Variants in IGSF21 observed in about 807,000 individuals in gnomAD.
IGSF21 encodes immunoglobin superfamily member 21, also known as immunoglobulin superfamily member 21.
In IGSF21, 28 loss-of-function variants were observed where a neutral mutation model predicts 46.8. That is an observed-to-expected ratio of 0.60 (90% CI 0.44 to 0.82). IGSF21 has a LOEUF of 0.82. Among genes scored for constraint, IGSF21 ranks in the 40% least tolerant of loss-of-function variants. The probability of loss-of-function intolerance (pLI) is 0.00; values close to 1 mark genes in which losing one functional copy is unlikely to be tolerated. For synonymous variants in IGSF21, 284 were observed against 273.6 expected, an observed-to-expected ratio of 1.04 and a Z score of -0.38; for missense variants, 624 against 665.5, an observed-to-expected ratio of 0.94 and a Z score of 0.69.
chr1:18,254,224 T>A (rs2084868625), intron 2 of IGSF21, among the ~76,000 whole-genome samples: 1 of 152,108 alleles, frequency 6.6e-6, no homozygotes. Context: ...AAGTGAGAGA[T>A]GAGTTGGGGA....
At chr1:18,136,256 A>C (rs528143736) in intron 1 of IGSF21, among the ~76,000 whole-genome samples, 18 of 152,168 alleles carry the variant, frequency 1.2e-4, no homozygotes, top group African/African-American at 4.3e-4. Flanking sequence ...GAAGCTCTTT[A>C]GTTTAATTAG....
chr1:18,299,974 T>C (rs572883103), intron 3 of IGSF21, among the ~76,000 whole-genome samples: 12 of 152,234 alleles, frequency 7.9e-5, no homozygotes, highest in Non-Finnish European at 1.5e-4. Context: ...GCCTGTAATC[T>C]AGCACCTTGG....
intron 3 of IGSF21, among the ~76,000 whole-genome samples, chr1:18,323,585 C>A (rs1477436140): frequency 6.6e-6 from 1 of 152,112 alleles, no homozygotes. Flanking sequence ...ATTTAAGAGA[C>A]GTCTATGGCA....
At chr1:18,117,137 C>CT (rs2086195758) in intron 1 of IGSF21, among the ~76,000 whole-genome samples, 1 of 152,222 alleles carries the variant, frequency 6.6e-6, no homozygotes, top group African/African-American at 2.4e-5. Context: ...GCTGGAAGCT[C>CT]TTTTGAACCT....
chr1:18,237,717 T>G (rs573147452), intron 2 of IGSF21, among the ~76,000 whole-genome samples: 2 of 152,310 alleles, frequency 1.3e-5, no homozygotes, highest in East Asian at 3.9e-4. Flanking sequence ...TATTCATCTT[T>G]GCATCTCTTG....
chr1:18,365,529 C>T lies in IGSF21; in HGVS notation c.847C>T (p.Pro283Ser). The change falls in exon 6 of 10, where the codon CCC (proline) becomes TCC (serine). Residue 283 changes from proline to serine, a missense_variant. Transcript: ENST00000251296. This position sits in a 1 kb window ranked among gnomAD's most constrained non-coding sequence, Gnocchi z 4.8. ...EFPRWVHSAEPTYFLRHSRTP... is the reference protein window; with the variant it reads ...EFPRWVHSAESTYFLRHSRTP... ...TCCCCGCTGGGTCCACAGCGCCGAGCCCACCTACTTCCTGCGCCACAGCCG... is the reference window on the plus strand; with the variant it reads ...TCCCCGCTGGGTCCACAGCGCCGAGTCCACCTACTTCCTGCGCCACAGCCG... 6.2e-7 allele frequency: 1 copy of T among 1,614,112 alleles called. No individual in the cohort carries two copies. The highest frequency in any genetic ancestry group is 8.5e-7 in the Non-Finnish European group (1 of 1,180,018).
chr1:18,242,123 C>T (rs1326617881), intron 2 of IGSF21, among the ~76,000 whole-genome samples: 3 of 152,206 alleles, frequency 2.0e-5, no homozygotes, highest in Admixed American at 2.0e-4. Context: ...AGGCTGTCAA[C>T]GTCAAATGAG....
At position 18,362,249 on chromosome 1, in the gene IGSF21, C is replaced by A; in HGVS notation, c.540+19C>A. ...ACCCATGGTGAGTACCCCTGGAGTG[C>A]CCAGCTCCTTCCTATCTGCCGGACC... On this transcript the variant is annotated intron_variant, in intron 5 of 9. Transcript: ENST00000251296. 1 of 1,552,372 alleles carries A rather than the reference C, an allele frequency of 6.4e-7. No homozygotes were observed. Among genetic ancestry groups the A allele is most frequent in the African/African-American group, 1.4e-5 (1 of 73,988 alleles).
chr1:18,357,666 A>G (rs562384156), intron 4 of IGSF21, among the ~76,000 whole-genome samples: 1 of 152,248 alleles, frequency 6.6e-6, no homozygotes, highest in South Asian at 2.1e-4. Context: ...AAAATAGAAA[A>G]GAAGAGGGCG....
intron 3 of IGSF21, among the ~76,000 whole-genome samples, chr1:18,312,495 T>C (rs954903269): frequency 1.3e-5 from 2 of 152,200 alleles, no homozygotes; most frequent in Non-Finnish European, 2.9e-5. Flanking sequence ...TGGGCTAAAA[T>C]CCAAGTGTTG....
chr1:18,178,202 A>G (rs61762136), intron 1 of IGSF21, among the ~76,000 whole-genome samples: 10,428 of 152,282 alleles, frequency 0.068, 466 homozygotes, highest in Middle Eastern at 0.15. Flanking sequence ...GACCTGCCGC[A>G]GGCCAGCCCC....
intron 1 of IGSF21, among the ~76,000 whole-genome samples, chr1:18,161,768 T>C (rs1447947531): frequency 2.0e-5 from 3 of 152,044 alleles, no homozygotes; most frequent in Non-Finnish European, 4.4e-5. Context: ...GGAGGCCAAA[T>C]ATTTATGAAG....
chr1:18,334,782 GTGTT>G lies in IGSF21; in HGVS notation c.306-105_306-102del. The G allele has an allele frequency of 1.3e-6, 1 of 776,630 alleles. No individual in the cohort carries two copies. The highest frequency in any genetic ancestry group is 1.5e-5 in the South Asian group (1 of 67,080). The allele number at this position is 776,630 out of a possible 1,614,324, so 48.1% of individuals were successfully genotyped here. On this transcript the variant is annotated intron_variant, in intron 3 of 9. Coordinates refer to ENST00000251296, the MANE Select transcript of IGSF21 (RefSeq NM_032880.5). The surrounding 1 kb of genome is among the most constrained non-coding windows in gnomAD (Gnocchi z 4.3). ...TCCTCCCAGCCCAGCACACAGGCCT[GTGTT>G]TGTTAGTGGAGGCTGCACCAGTGGG...
chr1:18,253,850 G>A (rs1181188571), intron 2 of IGSF21, among the ~76,000 whole-genome samples: 1 of 152,210 alleles, frequency 6.6e-6, no homozygotes, highest in Admixed American at 6.5e-5. Context: ...ACTCAAAGAA[G>A]CCTTTCTGAA....
At chr1:18,249,268 G>A (rs1482811285) in intron 2 of IGSF21, among the ~76,000 whole-genome samples, 1 of 152,160 alleles carries the variant, frequency 6.6e-6, no homozygotes, top group East Asian at 1.9e-4. Flanking sequence ...AGGGTGGGAG[G>A]TGTAAGGACA....
At chr1:18,190,473 C>T (rs557554044) in intron 1 of IGSF21, among the ~76,000 whole-genome samples, 1 of 151,312 alleles carries the variant, frequency 6.6e-6, no homozygotes, top group Non-Finnish European at 1.5e-5. Context: ...ACTAAGTGTT[C>T]ATAAATATTT....
chr1:18,174,149 C>T (rs773444599), intron 1 of IGSF21, among the ~76,000 whole-genome samples: 2 of 152,200 alleles, frequency 1.3e-5, no homozygotes, highest in African/African-American at 4.8e-5. Context: ...ACCGCAAAGA[C>T]AGAAACACCC....
At chr1:18,238,394 G>T (rs1408788457) in intron 2 of IGSF21, among the ~76,000 whole-genome samples, 1 of 152,188 alleles carries the variant, frequency 6.6e-6, no homozygotes, top group Non-Finnish European at 1.5e-5. Context: ...CAGTCAGCCT[G>T]GATTTGTGCA....
chr1:18,273,992 G>A (rs932880001), intron 2 of IGSF21, among the ~76,000 whole-genome samples: 5 of 152,108 alleles, frequency 3.3e-5, no homozygotes, highest in Non-Finnish European at 5.9e-5. Flanking sequence ...GAAATCACTC[G>A]GCCTCTCTGG....
Sources: allele counts gnomAD v4.1 joint callset (sites outside exome capture counted in the v4.1 genomes callset), GRCh38; gene constraint gnomAD v4.1.1; non-coding constraint Gnocchi (gnomAD v3.1); transcripts MANE v1.5; gene names NCBI Gene and HGNC (gene_info 2026-07-23, HGNC 2026-07-21).